Variants in ALMS1 observed in about 807,000 individuals in gnomAD.
ALMS1 encodes centrosome-associated protein ALMS1.
Under a neutral mutation model 352.2 loss-of-function variants are expected in ALMS1, and 271 were observed. The observed-to-expected ratio is 0.77, with a 90% CI of 0.70 to 0.85. The LOEUF is 0.85. Among genes scored for constraint, ALMS1 ranks in the 40% least tolerant of loss-of-function variants. The pLI, the probability that ALMS1 is intolerant of heterozygous loss-of-function variation, is 0.00. For missense variants in ALMS1, 5,445 were observed against 4,870.7 expected (o/e 1.12, Z -3.51); for synonymous variants, 1,865 against 1,761.2 (o/e 1.06, Z -1.48).
At chr2:73,472,843 T>C (rs1326688088) in intron 9 of ALMS1, among the ~76,000 whole-genome samples, 1 of 152,090 alleles carries the variant, frequency 6.6e-6, no homozygotes, top group Non-Finnish European at 1.5e-5. Flanking sequence ...AGCTTCCTTT[T>C]GTTTTACACA....
At chr2:73,470,687 T>C (rs1171698688) in intron 9 of ALMS1, 1 of 151,886 alleles carries the variant, frequency 6.6e-6, no homozygotes, top group African/African-American at 2.4e-5. Flanking sequence ...GTTCTGTTCA[T>C]TATTGAAAAT....
At chr2:73,571,604 A>G (rs908730072) in intron 15 of ALMS1, among the ~76,000 whole-genome samples, 1 of 152,142 alleles carries the variant, frequency 6.6e-6, no homozygotes, top group African/African-American at 2.4e-5. Context: ...TTATGTTTCA[A>G]CATGAATCTT....
intron 9 of ALMS1, among the ~76,000 whole-genome samples, chr2:73,468,171 G>A (rs1190633014): frequency 6.6e-6 from 1 of 151,832 alleles, no homozygotes; most frequent in Admixed American, 6.6e-5. Flanking sequence ...TCTAATCATA[G>A]CAAAAACTTT....
intron 15 of ALMS1, among the ~76,000 whole-genome samples, chr2:73,560,713 A>G (rs1011981615): frequency 2.6e-5 from 4 of 152,266 alleles, no homozygotes; most frequent in African/African-American, 4.8e-5. Flanking sequence ...AGCATGTTAC[A>G]TACATATTTG....
rs1237573573 is a variant in ALMS1, at chr2:73,491,211, C to T, written c.9252C>T (p.Asn3084=). The T allele has an allele frequency of 6.2e-7, 1 of 1,614,148 alleles. No individual in the cohort carries two copies. The highest frequency in any genetic ancestry group is 1.7e-4 in the Middle Eastern group (1 of 6,060). Residue 3084 remains asparagine, a synonymous_variant, in exon 10 of 23, where the codon AAC becomes AAT. Coordinates refer to ENST00000613296, the MANE Select transcript of ALMS1 (RefSeq NM_001378454.1). ...ASKARMNSEF[N]FDLHTVSSRS... The stretch of plus-strand genomic sequence containing the variant: ...AAGCGAGGATGAATAGTGAGTTTAA[C>T]TTTGACTTACATACTGTATCTTCGA...
In ALMS1 at chr2:73,450,074, T is replaced by A; in HGVS notation, c.3547T>A (p.Trp1183Arg). 1 of 1,613,142 alleles carries A rather than the reference T, an allele frequency of 6.2e-7. No homozygotes were observed. The highest frequency in any genetic ancestry group is 8.5e-7 in the Non-Finnish European group (1 of 1,179,736). Reference sequence around the variant, plus strand: ...TACTGGACCAGGTAACCAGAAGACTTGGATACCAAGAGTACTTTCTACCTT... The same window carrying A: ...TACTGGACCAGGTAACCAGAAGACTAGGATACCAAGAGTACTTTCTACCTT... The part of the protein sequence containing the change: ...AVTGPGNQKT[W>R]IPRVLSTFYS... Residue 1183 changes from tryptophan to arginine, a missense_variant, in exon 8 of 23, where the codon TGG becomes AGG. Coordinates refer to ENST00000613296, the MANE Select transcript of ALMS1 (RefSeq NM_001378454.1).
At chr2:73,503,372 GT>G (rs1673256244) in intron 10 of ALMS1, among the ~76,000 whole-genome samples, 1 of 152,096 alleles carries the variant, frequency 6.6e-6, no homozygotes, top group South Asian at 2.1e-4. Context: ...TCTTGCTATA[GT>G]TTACTGAGAA....
intron 15 of ALMS1, among the ~76,000 whole-genome samples, chr2:73,566,925 C>G (rs1386448652): frequency 6.6e-6 from 1 of 152,188 alleles, no homozygotes; most frequent in African/African-American, 2.4e-5. Flanking sequence ...AAAGGATACG[C>G]ACGAACAACC....
At chr2:73,596,417 T>C (rs1224414960) in intron 16 of ALMS1, among the ~76,000 whole-genome samples, 40 of 152,114 alleles carry the variant, frequency 2.6e-4, no homozygotes, top group Non-Finnish European at 1.5e-5. Context: ...ATTGATCACA[T>C]ATGTAAGGCT....
chr2:73,572,835 A>G lies in ALMS1; in HGVS notation c.10958A>G (p.Asp3653Gly). Reference sequence around the variant, plus strand: ...CAGGTCTCAGAAAGTACACATGATGATAGCAGAGGGGAACGAAGTGTGAAG... The same window carrying G: ...CAGGTCTCAGAAAGTACACATGATGGTAGCAGAGGGGAACGAAGTGTGAAG... ...SLQVSESTHDDSRGERSVKEW... is the reference protein window; with the variant it reads ...SLQVSESTHDGSRGERSVKEW... The change falls in exon 16 of 23, where the codon GAT (aspartate) becomes GGT (glycine). Residue 3653 changes from aspartate to glycine, a missense_variant. Asp to Gly is a moderately conservative substitution (Grantham distance 94). Transcript: ENST00000613296. 1 of 1,614,120 alleles carries G rather than the reference A, an allele frequency of 6.2e-7. No homozygotes were observed. Among genetic ancestry groups the G allele is most frequent in the Non-Finnish European group, 8.5e-7 (1 of 1,180,008 alleles).
At chr2:73,602,696 G>GTAA (rs144971762) in intron 20 of ALMS1, among the ~76,000 whole-genome samples, 3 of 151,848 alleles carry the variant, frequency 2.0e-5, no homozygotes, top group East Asian at 1.9e-4. Context: ...TCTTAGGATG[G>GTAA]TAATAATAAT....
chr2:73,584,046 G>GT (rs1450780904), intron 16 of ALMS1, among the ~76,000 whole-genome samples: 1 of 152,024 alleles, frequency 6.6e-6, no homozygotes, highest in Non-Finnish European at 1.5e-5. Context: ...CTTCGAGTTG[G>GT]TTTTTTGATA....
At chr2:73,414,435 TTTTTAC>T in intron 2 of ALMS1, among the ~76,000 whole-genome samples, 1 of 147,426 alleles carries the variant, frequency 6.8e-6, no homozygotes, top group Non-Finnish European at 1.5e-5. Context: ...TATGCTTTGT[TTTTTAC>T]TTTTAAATAG....
chr2:73,389,023 G>A (rs142718929), intron 1 of ALMS1, among the ~76,000 whole-genome samples: 82 of 152,158 alleles, frequency 5.4e-4, no homozygotes, highest in Non-Finnish European at 5.6e-4. Flanking sequence ...TCTCCATACT[G>A]CTTTCCATAG....
chr2:73,395,016 G>GTA (rs990279373), intron 1 of ALMS1, among the ~76,000 whole-genome samples: 9 of 137,280 alleles, frequency 6.6e-5, no homozygotes, highest in Non-Finnish European at 9.3e-5. Flanking sequence ...ATATATATGT[G>GTA]TATATATATG....
chr2:73,574,477 A>G (rs1209066578), intron 16 of ALMS1, among the ~76,000 whole-genome samples: 1 of 152,192 alleles, frequency 6.6e-6, no homozygotes, highest in Non-Finnish European at 1.5e-5. Flanking sequence ...ATATAAATAA[A>G]TATCTATTTT....
intron 6 of ALMS1, among the ~76,000 whole-genome samples, chr2:73,429,497 A>G (rs1191157417): frequency 1.3e-5 from 2 of 151,824 alleles, no homozygotes; most frequent in Non-Finnish European, 2.9e-5. Context: ...TGGACAGGCT[A>G]GTCTCGAATT....
At chr2:73,388,403 A>C (rs1670580744) in intron 1 of ALMS1, among the ~76,000 whole-genome samples, 1 of 152,176 alleles carries the variant, frequency 6.6e-6, no homozygotes, top group Non-Finnish European at 1.5e-5. Context: ...TGATAGTGTA[A>C]CATTGTACTT....
At chr2:73,527,742 T>C (rs1412857725) in intron 11 of ALMS1, among the ~76,000 whole-genome samples, 1 of 152,100 alleles carries the variant, frequency 6.6e-6, no homozygotes, top group African/African-American at 2.4e-5. Flanking sequence ...TTTTCTCATA[T>C]CAATTTTATG....
Sources: allele counts gnomAD v4.1 joint callset (sites outside exome capture counted in the v4.1 genomes callset), GRCh38; gene constraint gnomAD v4.1.1; transcripts MANE v1.5; gene names NCBI Gene and HGNC (gene_info 2026-07-23, HGNC 2026-07-21).